RAD50: variants seen among roughly 807,000 people sequenced by gnomAD.
The protein encoded by RAD50 is DNA repair protein RAD50.
Under a neutral mutation model 168.8 loss-of-function variants are expected in RAD50, and 132 were observed. The ratio of observed to expected loss-of-function variants is 0.78; its 90% CI spans 0.68 to 0.90. The LOEUF is 0.90. Ranked by LOEUF, RAD50 falls within the 40% of genes least tolerant of loss-of-function variation. The pLI, the probability that RAD50 is intolerant of heterozygous loss-of-function variation, is 0.00. For missense variants in RAD50, 1,347 were observed against 1,534.4 expected (o/e 0.88, Z 2.04); for synonymous variants, 525 against 497.4 (o/e 1.06, Z -0.74).
chr5:132,557,669 A>G (rs999440741), intron 1 of RAD50, among the ~76,000 whole-genome samples: 9 of 152,204 alleles, frequency 5.9e-5, no homozygotes, highest in Non-Finnish European at 1.3e-4. Context: ...CCTGGGGACA[A>G]GGTTTACTTA....
At position 132,591,262 on chromosome 5, in the gene RAD50, A is replaced by G. The variant is rs770346398; in HGVS notation, c.1491A>G (p.Val497=). The change falls in exon 10 of 25, where the codon GTA becomes GTG. Residue 497 remains valine (V), a synonymous_variant. Coordinates refer to ENST00000378823, the MANE Select transcript of RAD50 (RefSeq NM_005732.4). Reference sequence around the variant, plus strand: ...GCAAGGCTGAGAAAAACAGCAATGTAGAAACCTTAAAAATGGAAGTAATAA... The same window carrying G: ...GCAAGGCTGAGAAAAACAGCAATGTGGAAACCTTAAAAATGGAAGTAATAA... ...ELSKAEKNSN[V]ETLKMEVISL... is the part of the protein sequence containing the mutation. 1.2e-6 allele frequency: 2 copies of G among 1,613,162 alleles called. No individual in the cohort carries two copies. The highest frequency in any genetic ancestry group is 3.3e-5 in the Admixed American group (2 of 60,018).
intron 19 of RAD50, among the ~76,000 whole-genome samples, chr5:132,611,705 TAAAA>T (rs34112186): frequency 1.3e-4 from 13 of 102,972 alleles, no homozygotes; most frequent in African/African-American, 2.9e-4. Context: ...GACTCCGTCT[TAAAA>T]AAAAAAAAAA....
chr5:132,557,772 C>T (rs910982508), intron 1 of RAD50, among the ~76,000 whole-genome samples: 9 of 152,238 alleles, frequency 5.9e-5, no homozygotes, highest in Non-Finnish European at 1.2e-4. Flanking sequence ...TTAACGCTGT[C>T]TCCTTGCTTT....
At chr5:132,579,821 T>G in intron 4 of RAD50, 41 bp from the exon 5 acceptor site, 1 of 1,499,508 alleles carries the variant, frequency 6.7e-7, no homozygotes, top group East Asian at 2.3e-5. Flanking sequence ...TACCATAATT[T>G]ACTTTGCCAG....
At chr5:132,635,442 G>C (rs536098892) in intron 21 of RAD50, among the ~76,000 whole-genome samples, 59 of 152,336 alleles carry the variant, frequency 3.9e-4, no homozygotes, top group African/African-American at 1.2e-3. Context: ...ACGAAGATGA[G>C]TTAATGGTCC....
chr5:132,620,403 G>C (rs1276182645), intron 21 of RAD50, among the ~76,000 whole-genome samples: 1 of 152,032 alleles, frequency 6.6e-6, no homozygotes, highest in Non-Finnish European at 1.5e-5. Context: ...GGTTGGCCTG[G>C]GTTCTCTGTT....
chr5:132,591,983 A>G lies in RAD50; in HGVS notation c.1742A>G (p.His581Arg), dbSNP rs368551951. The stretch of plus-strand genomic sequence containing the variant: ...AAAAAACAGCTTGAAGACTGGCTAC[A>G]TAGTAAATCAAAAGAAATTAATCAG... ...PNKKQLEDWLHSKSKEINQTR... is the reference protein window; with the variant it reads ...PNKKQLEDWLRSKSKEINQTR... The change falls in exon 11 of 25, where the codon CAT becomes CGT. Residue 581 changes from histidine to arginine, a missense_variant. His to Arg is a conservative substitution (Grantham distance 29). Transcript: ENST00000378823. The G allele has an allele frequency of 1.9e-6, 3 of 1,613,120 alleles. No individual in the cohort carries two copies. The highest frequency in any genetic ancestry group is 2.5e-6 in the Non-Finnish European group (3 of 1,179,374).
chr5:132,621,136 C>T (rs2149855446), intron 21 of RAD50, among the ~76,000 whole-genome samples: 1 of 152,140 alleles, frequency 6.6e-6, no homozygotes, highest in African/African-American at 2.4e-5. Context: ...AAATCATATG[C>T]ATTAGTTCTC....
chr5:132,566,210 A>G (rs73259628), intron 2 of RAD50, among the ~76,000 whole-genome samples: 2,287 of 152,318 alleles, frequency 0.015, 68 homozygotes, highest in African/African-American at 0.053. Flanking sequence ...TAGAAATGCT[A>G]CAAGATAGCC....
chr5:132,559,512 A>G, intron 2 of RAD50, 145 bp downstream of exon 2: 1 of 736,884 alleles, frequency 1.4e-6, no homozygotes, highest in Non-Finnish European at 2.1e-6. Context: ...CGTTGTTGAC[A>G]TTTTCATGTG....
chr5:132,621,898 T>G (rs1422258088), intron 21 of RAD50, among the ~76,000 whole-genome samples: 3 of 152,168 alleles, frequency 2.0e-5, no homozygotes, highest in African/African-American at 4.8e-5. Flanking sequence ...CCATCAATTT[T>G]GGGGATTTTT....
In RAD50 at chr5:132,589,802, A is replaced by T; in HGVS notation, c.1417A>T (p.Arg473Trp). ...ACAGCAGTTGGAAGGATCTTCAGAC[A>T]GGATTCTTGAACTGGACCAGGAGCT... ...ELQQLEGSSDRILELDQELIK... is the reference protein window; with the variant it reads ...ELQQLEGSSDWILELDQELIK... Residue 473 changes from arginine to tryptophan, a missense_variant, in exon 9 of 25, where the codon AGG becomes TGG. This residue lies in a region of RAD50 where 703 missense variants were observed against 767.7 expected (regional missense o/e 0.92). Transcript: ENST00000378823. 6.2e-7 allele frequency: 1 copy of T among 1,613,666 alleles called. No individual in the cohort carries two copies. The highest frequency in any genetic ancestry group is 8.5e-7 in the Non-Finnish European group (1 of 1,179,802).
chr5:132,620,673 G>T (rs535914256), intron 21 of RAD50, among the ~76,000 whole-genome samples: 2 of 152,062 alleles, frequency 1.3e-5, no homozygotes, highest in African/African-American at 4.8e-5. Flanking sequence ...ATATAACATG[G>T]GGATTAGGGA....
chr5:132,580,189 AT>A (rs998289650), intron 5 of RAD50, 123 bp downstream of exon 5: 7 of 779,386 alleles, frequency 9.0e-6, no homozygotes, highest in African/African-American at 7.0e-5. Flanking sequence ...CATTACTTCA[AT>A]TTTTTTATGG....
In RAD50 at chr5:132,587,607, C is replaced by G. The variant is rs760954965; in HGVS notation, c.802C>G (p.Leu268Val). ...ACATAATCTCTCTAAAATAATGAAA[C>G]TTGACAATGAAATTAAAGCCTTGGA... The part of the protein sequence containing the change: ...IEHNLSKIMK[L>V]DNEIKALDSR... Residue 268 changes from leucine to valine, a missense_variant, in exon 6 of 25, where the codon CTT becomes GTT. By Grantham distance (32) the Leu-to-Val change is conservative (BLOSUM62 1). Around this residue, in one of 3 missense-constraint regions of RAD50, gnomAD observed 703 missense variants for 767.7 expected, o/e 0.92. Coordinates refer to ENST00000378823, the MANE Select transcript of RAD50 (RefSeq NM_005732.4). The G allele has an allele frequency of 1.2e-6, 2 of 1,613,308 alleles. No individual in the cohort carries two copies. Among genetic ancestry groups the G allele is most frequent in the Middle Eastern group, 1.6e-4 (1 of 6,076 alleles).
intron 19 of RAD50, among the ~76,000 whole-genome samples, chr5:132,612,598 G>T (rs1446295870): frequency 2.6e-5 from 4 of 152,160 alleles, no homozygotes; most frequent in Non-Finnish European, 5.9e-5. Flanking sequence ...ACTTTGGGAG[G>T]CCGAGGCGGG....
At chr5:132,574,435 T>A (rs1307879094) in intron 2 of RAD50, among the ~76,000 whole-genome samples, 2 of 152,338 alleles carry the variant, frequency 1.3e-5, no homozygotes, top group East Asian at 3.9e-4. Flanking sequence ...AGAGGGACCC[T>A]GGGCCTGGCC....
At chr5:132,617,893 A>G (rs1751204528) in intron 20 of RAD50, among the ~76,000 whole-genome samples, 177 bp from the exon 21 acceptor site, 1 of 152,202 alleles carries the variant, frequency 6.6e-6, no homozygotes, top group Non-Finnish European at 1.5e-5. Flanking sequence ...TGGAAGGAAG[A>G]GAGGGGTTTT....
At position 132,579,426 on chromosome 5, in the gene RAD50, C is replaced by T; in HGVS notation, c.475C>T (p.Gln159Ter). ...GCTAAATAATGTCATTTTCTGTCAT[C>T]AAGAAGATTCTAATTGGCCTTTAAG... ...AVLNNVIFCH[Q>*]EDSNWPLSEG... The change falls in exon 4 of 25, where the codon CAA becomes TAA. Residue 159 changes from glutamine (Q) to a stop codon, truncating the protein, a stop_gained. Coordinates refer to ENST00000378823, the MANE Select transcript of RAD50 (RefSeq NM_005732.4). LOFTEE classifies it high-confidence loss of function. The T allele has an allele frequency of 6.2e-7, 1 of 1,613,756 alleles. No homozygotes were observed. The highest frequency in any genetic ancestry group is 8.5e-7 in the Non-Finnish European group (1 of 1,179,754).
Sources: allele counts gnomAD v4.1 joint callset (sites outside exome capture counted in the v4.1 genomes callset), GRCh38; gene constraint gnomAD v4.1.1; regional missense constraint gnomAD v4.1.1; transcripts MANE v1.5; gene names NCBI Gene and HGNC (gene_info 2026-07-23, HGNC 2026-07-21).